Variants in AVEN observed in about 807,000 individuals in gnomAD.
The protein encoded by AVEN is apoptosis and caspase activation inhibitor, also known as cell death regulator Aven.
Under a neutral mutation model 38.1 loss-of-function variants are expected in AVEN, and 41 were observed. The observed-to-expected ratio is 1.08, with a 90% confidence interval of 0.84 to 1.40. AVEN has a LOEUF of 1.40. AVEN is among the 40% of genes most tolerant of loss of function. The pLI is 0.00. For synonymous variants in AVEN, 206 were observed against 171.8 expected (o/e 1.20, Z -1.56); for missense variants, 605 against 438.8 (o/e 1.38, Z -3.38).
At chr15:33,899,181 C>G (rs941088044) in intron 2 of AVEN, among the ~76,000 whole-genome samples, 1 of 62,854 alleles carries the variant, frequency 1.6e-5, no homozygotes, top group South Asian at 5.4e-4. Flanking sequence ...CACCTCTGCC[C>G]CTATGACACA....
At chr15:33,853,575 T>C in the AVEN span, 1 of 1,613,770 alleles carries the variant, frequency 6.2e-7, no homozygotes, top group East Asian at 2.2e-5. Context: ...AGTATGGAGA[T>C]CTCTACGGAG....
chr15:34,047,178 C>T (rs1056086660), intron 5 of AVEN, among the ~76,000 whole-genome samples: 37 of 151,784 alleles, frequency 2.4e-4, no homozygotes, highest in Non-Finnish European at 4.4e-5. Context: ...CCCGGGTTCA[C>T]GCCATTCTCC....
chr15:33,940,107 C>G (rs994867546), intron 2 of AVEN, among the ~76,000 whole-genome samples: 10 of 152,152 alleles, frequency 6.6e-5, no homozygotes, highest in Admixed American at 2.6e-4. Flanking sequence ...ACCTCCCAGC[C>G]TGCAGAATTA....
chr15:33,886,546 G>A (rs569479162), intron 2 of AVEN, among the ~76,000 whole-genome samples: 4 of 152,122 alleles, frequency 2.6e-5, no homozygotes, highest in East Asian at 1.9e-4. Flanking sequence ...CTCGTGATCC[G>A]CCCACCTCAG....
chr15:33,983,170 G>GTGTATA (rs796742277), intron 2 of AVEN, among the ~76,000 whole-genome samples: 16,403 of 126,442 alleles, frequency 0.13, 1,263 homozygotes, highest in South Asian at 0.25. Context: ...ATGTGTGTGT[G>GTGTATA]TATATATACA....
chr15:33,967,701 T>C (rs1401360730), intron 2 of AVEN, among the ~76,000 whole-genome samples: 1 of 151,932 alleles, frequency 6.6e-6, no homozygotes, highest in African/African-American at 2.4e-5. Context: ...AATTTTAAAC[T>C]GAAGTGCAGT....
downstream of AVEN, chr15:33,864,084 G>T: frequency 1.5e-6 from 2 of 1,358,576 alleles, no homozygotes; most frequent in Non-Finnish European, 1.0e-6. Context: ...TAATCCATGC[G>T]AATGAACTTG....
chr15:33,923,273 AT>A (rs1347763345), intron 2 of AVEN, among the ~76,000 whole-genome samples: 4 of 152,214 alleles, frequency 2.6e-5, no homozygotes, highest in Non-Finnish European at 4.4e-5. Flanking sequence ...AAAAGGAGTA[AT>A]TGTGTATTCT....
At chr15:34,019,235 G>T (rs1368464360) in intron 1 of AVEN, among the ~76,000 whole-genome samples, 2 of 152,178 alleles carry the variant, frequency 1.3e-5, no homozygotes, top group Non-Finnish European at 2.9e-5. Context: ...GGATGTAATT[G>T]TTTGTGTCTT....
chr15:33,859,849 T>A (rs2080139781), intron 11 of AVEN: 2 of 1,127,226 alleles, frequency 1.8e-6, no homozygotes, highest in Non-Finnish European at 2.5e-6. Context: ...CTTGTTAATT[T>A]AGCAAGAACT....
chr15:33,871,998 T>TAACCCAGCTCCCATGTCAGCCTGGTC (rs1890982357), intron 3 of AVEN, among the ~76,000 whole-genome samples: 1 of 152,200 alleles, frequency 6.6e-6, no homozygotes, highest in East Asian at 1.9e-4. Flanking sequence ...TTTGCCTGGG[T>TAACCCAGCTCCCATGTCAGCCTGGTC]AACCCAGCTC....
intron 2 of AVEN, among the ~76,000 whole-genome samples, chr15:33,961,778 A>G (rs754977159): frequency 4.8e-5 from 6 of 126,290 alleles, no homozygotes; most frequent in South Asian, 5.4e-4. Context: ...GCGCCACTGC[A>G]CTCCAGCCTG....
chr15:34,056,804 G>T (rs1368289053), intron 5 of AVEN, among the ~76,000 whole-genome samples: 1 of 152,062 alleles, frequency 6.6e-6, no homozygotes. Flanking sequence ...ATCACTTGAG[G>T]CCAGGAGTTC....
At chr15:33,956,534 A>G (rs1368803974) in intron 2 of AVEN, among the ~76,000 whole-genome samples, 1 of 152,136 alleles carries the variant, frequency 6.6e-6, no homozygotes, top group African/African-American at 2.4e-5. Flanking sequence ...AGGGTTGTTA[A>G]AACACATCAT....
chr15:33,998,265 G>T (rs189784475), intron 2 of AVEN, among the ~76,000 whole-genome samples: 3 of 152,170 alleles, frequency 2.0e-5, no homozygotes, highest in Admixed American at 6.5e-5. Context: ...CTCCCCTTAT[G>T]ATTTTTGTCC....
At chr15:33,870,492 C>G (rs1163920289) in intron 4 of AVEN, among the ~76,000 whole-genome samples, 1 of 152,186 alleles carries the variant, frequency 6.6e-6, no homozygotes, top group Non-Finnish European at 1.5e-5. Flanking sequence ...AACTGATTTA[C>G]TCTAAAAGCA....
downstream of AVEN, chr15:33,864,204 A>C (rs748203403): frequency 3.8e-5 from 61 of 1,598,910 alleles, no homozygotes; most frequent in East Asian, 1.4e-3. Flanking sequence ...GAAATTAAGA[A>C]TCATATACCC....
Position 34,038,778 on chromosome 15 carries a change from A to C in AVEN, c.267+2T>G. 1 of 1,173,858 alleles carries C rather than the reference A, an allele frequency of 8.5e-7. No homozygotes were observed. The highest frequency in any genetic ancestry group is 1.0e-6 in the Non-Finnish European group (1 of 952,760). The allele number at this position is 1,173,858 out of a possible 1,614,324, so 72.7% of individuals were successfully genotyped here. A position where few individuals can be genotyped will look rare whatever the true frequency, so the allele number is the denominator to read the frequency against. ...CCAGCCCCACCAGCCGTCGCCTCTT[A>C]CCGGCGCGCTGGCCCCTGCGCCCCA... On this transcript the variant is annotated splice_donor_variant, in intron 1 of 5. Transcript: ENST00000306730. LOFTEE classifies it high-confidence loss of function.
chr15:33,875,324 G>T (rs1159965269), intron 3 of AVEN, among the ~76,000 whole-genome samples: 1 of 152,184 alleles, frequency 6.6e-6, no homozygotes, highest in Non-Finnish European at 1.5e-5. Context: ...AAAAGGGGGA[G>T]AATATCTGTC....
Sources: allele counts gnomAD v4.1 joint callset (sites outside exome capture counted in the v4.1 genomes callset), GRCh38; gene constraint gnomAD v4.1.1; transcripts MANE v1.5; gene names NCBI Gene and HGNC (gene_info 2026-07-23, HGNC 2026-07-21).